Variants in FUCA2 observed in about 807,000 individuals in gnomAD.
FUCA2 encodes plasma alpha-L-fucosidase.
FUCA2 carries 41 observed loss-of-function variants against 52.6 expected under a neutral mutation model. The observed-to-expected ratio is 0.78, with a 90% CI of 0.61 to 1.01. The LOEUF (loss-of-function observed/expected upper bound fraction) is 1.01, where lower values mean the gene tolerates loss of function less well. Among genes scored for constraint, FUCA2 ranks in the 50% least tolerant of loss-of-function variants. The pLI is 0.00. For synonymous variants in FUCA2, 211 were observed against 217.3 expected (o/e 0.97, Z 0.26); for missense variants, 507 against 569.5 (o/e 0.89, Z 1.12).
In FUCA2 at chr6:143,502,209, G is replaced by A. The variant is rs558916362; in HGVS notation, c.964-87C>T. The A allele has an allele frequency of 7.7e-7, 1 of 1,298,272 alleles. No homozygotes were observed. The highest frequency in any genetic ancestry group is 2.5e-5 in the East Asian group (1 of 40,728). 80.4% of individuals were successfully genotyped at this position (1,298,272 alleles called of 1,614,324 possible). On this transcript the variant is annotated intron_variant, in intron 4 of 6. Transcript: ENST00000002165. This position sits in a 1 kb window ranked among gnomAD's most constrained non-coding sequence, Gnocchi z 4.1. ...ATGTTGCATTTATATATTTATACAT[G>A]TATATATAGTCACTGCCTAGAAGAA...
chr6:143,502,256 T>TC lies in FUCA2; in HGVS notation c.963+98dup. ...AGAACAAACACAGGATAGAACAATG[T>TC]CCTATATTTATAGGCCATTGAGCCA... On this transcript the variant is annotated intron_variant, in intron 4 of 6. Transcript: ENST00000002165. This position sits in a 1 kb window ranked among gnomAD's most constrained non-coding sequence, Gnocchi z 4.1. The TC allele has an allele frequency of 7.4e-7, 1 of 1,347,624 alleles. No individual in the cohort carries two copies. Among genetic ancestry groups the TC allele is most frequent in the Non-Finnish European group, 1.0e-6 (1 of 967,256 alleles). The allele number at this position is 1,347,624 out of a possible 1,614,324, so 83.5% of individuals were successfully genotyped here. A position where few individuals can be genotyped will look rare whatever the true frequency, so the allele number is the denominator to read the frequency against.
Position 143,507,245 on chromosome 6 carries a change from T to G in FUCA2, c.404A>C (p.His135Pro), listed in dbSNP as rs1287466681. Residue 135 changes from histidine (H) to proline (P), a missense_variant, in exon 2 of 7, where the codon CAT (histidine) becomes CCT (proline). By Grantham distance (77) the His-to-Pro change is moderately conservative. Transcript: ENST00000002165. The surrounding 1 kb of genome is among the most constrained non-coding windows in gnomAD (Gnocchi z 4.5). The part of the protein sequence containing the change: ...GAKYIVLTSK[H>P]HEGFTLWGSE... ...AGGCTGGATTGACTTACCTTCATGATGTTTGGAAGTTAAGACAATGTATTT... is the reference window on the plus strand; with the variant it reads ...AGGCTGGATTGACTTACCTTCATGAGGTTTGGAAGTTAAGACAATGTATTT... 1 of 1,586,580 alleles carries G rather than the reference T, an allele frequency of 6.3e-7. No homozygotes were observed. Among genetic ancestry groups the G allele is most frequent in the South Asian group, 1.2e-5 (1 of 85,378 alleles).
rs763952517 is a variant in FUCA2 at position 143,507,038 on chromosome 6, C to A, written c.412+199G>T. 1.6e-5 allele frequency: 8 copies of A among 508,414 alleles called. No homozygotes were observed. The highest frequency in any genetic ancestry group is 2.7e-5 in the Non-Finnish European group (8 of 294,888). 31.5% of individuals were successfully genotyped at this position (508,414 alleles called of 1,614,324 possible). A position where few individuals can be genotyped will look rare whatever the true frequency, so the allele number is the denominator to read the frequency against. On this transcript the variant is annotated intron_variant, in intron 2 of 6. Transcript: ENST00000002165. The surrounding 1 kb of genome is among the most constrained non-coding windows in gnomAD (Gnocchi z 4.5). ...TGACCATCTTTCCTCTGTTACGTGG[C>A]GGGTATGATCCTTTCTGTATTCCTA...
In FUCA2 at chr6:143,511,526, T is replaced by A. The variant is rs1447127737; in HGVS notation, c.109A>T (p.Thr37Ser). 2 of 1,589,666 alleles carry A rather than the reference T, an allele frequency of 1.3e-6. No homozygotes were observed. Among genetic ancestry groups the A allele is most frequent in the South Asian group, 2.3e-5 (2 of 87,874 alleles). Residue 37 changes from threonine to serine, a missense_variant, in exon 1 of 7, where the codon ACC (threonine) becomes TCC (serine). By Grantham distance (58) the Thr-to-Ser change is moderately conservative. Transcript: ENST00000002165. The surrounding 1 kb of genome is among the most constrained non-coding windows in gnomAD (Gnocchi z 6.3). ...TGGCGGGCGTCCAGGGACTCCCAGG[T>A]GGGGTCGAAGCGCGTGGCGCTGTGG... ...PAHSATRFDP[T>S]WESLDARQLP...
At chr6:143,498,623 G>A (rs953413736) in intron 5 of FUCA2, among the ~76,000 whole-genome samples, 1 of 152,172 alleles carries the variant, frequency 6.6e-6, no homozygotes, top group African/African-American at 2.4e-5. Flanking sequence ...GGAAGTGGGG[G>A]AGGGTGATGG....
rs566105545 is a variant in FUCA2 at position 143,508,478 on chromosome 6, G to A, written c.225-1054C>T. Among the ~76,000 whole-genome samples, 15 of 152,344 alleles carry A rather than the reference G, an allele frequency of 9.8e-5. 1 individual carries two copies. The South Asian group carries it at 2.9e-3, about 29-fold the overall frequency. The stretch of plus-strand genomic sequence containing the variant: ...ACTCTGCTAAGAAGAAATAATTGAA[G>A]GGCATACTATGCGGCAGGCATGCTG... On this transcript the variant is annotated intron_variant, in intron 1 of 6. Transcript: ENST00000002165.
Position 143,500,872 on chromosome 6 carries a change from C to T in FUCA2, c.1154+1060G>A, listed in dbSNP as rs1281889237. 6.6e-6 allele frequency among the ~76,000 whole-genome samples: 1 copy of T among 152,066 alleles called. No homozygotes were observed. Among genetic ancestry groups the T allele is most frequent in the African/African-American group, 2.4e-5 (1 of 41,400 alleles). ...ACTGCAAGAAGGTGGGCATGATGAACCCTGGGGGAAGAAGGCTCCTATGGT... is the reference window on the plus strand; with the variant it reads ...ACTGCAAGAAGGTGGGCATGATGAATCCTGGGGGAAGAAGGCTCCTATGGT... On this transcript the variant is annotated intron_variant, in intron 5 of 6. Transcript: ENST00000002165. The surrounding 1 kb of genome is among the most constrained non-coding windows in gnomAD (Gnocchi z 6.9).
At position 143,502,175 on chromosome 6, in the gene FUCA2, T is replaced by C; in HGVS notation, c.964-53A>G. 1 of 1,427,914 alleles carries C rather than the reference T, an allele frequency of 7.0e-7. No individual in the cohort carries two copies. The highest frequency in any genetic ancestry group is 1.3e-5 in the South Asian group (1 of 74,952). 88.5% of individuals were successfully genotyped at this position (1,427,914 alleles called of 1,614,324 possible). On this transcript the variant is annotated intron_variant, in intron 4 of 6. Transcript: ENST00000002165. This position sits in a 1 kb window ranked among gnomAD's most constrained non-coding sequence, Gnocchi z 4.1. ...ATAAATAAAATAATTCCATCTTTAATGTGCTAATATGTTGCATTTATATAT... is the reference window on the plus strand; with the variant it reads ...ATAAATAAAATAATTCCATCTTTAACGTGCTAATATGTTGCATTTATATAT...
rs1022453240 is a variant in FUCA2, at chr6:143,509,438, A to G, written c.224+1973T>C. ...TCTAGGTCAAAATAACCATGGGTTT[A>G]TCTGTAGAAAATGAAGTTATTCATA... On this transcript the variant is annotated intron_variant, in intron 1 of 6. Coordinates refer to ENST00000002165, the MANE Select transcript of FUCA2 (RefSeq NM_032020.5). The surrounding 1 kb of genome is among the most constrained non-coding windows in gnomAD (Gnocchi z 5.4). Among the ~76,000 whole-genome samples the G allele has an allele frequency of 6.6e-6, 1 of 152,238 alleles. No individual in the cohort carries two copies. The highest frequency in any genetic ancestry group is 1.5e-5 in the Non-Finnish European group (1 of 68,032).
intron 6 of FUCA2, chr6:143,496,182 T>C (rs1780457651): frequency 4.5e-6 from 1 of 222,104 alleles, no homozygotes; most frequent in Non-Finnish European, 9.0e-6. Flanking sequence ...TCTGCCCAAG[T>C]ATCTACTCAG....
chr6:143,498,070 T>C (rs546728058), intron 5 of FUCA2, among the ~76,000 whole-genome samples: 1 of 152,068 alleles, frequency 6.6e-6, no homozygotes, highest in East Asian at 1.9e-4. Context: ...CTCTTTAGAT[T>C]AGAACATCAG....
Position 143,504,155 on chromosome 6 carries a change from C to T in FUCA2, c.510G>A (p.Arg170=). ...GTCCAAAACGCAGGTCAGTTCTGTT[C>T]CTAATGGCTACCTCAAGTTCCTTGA... ...DIVKELEVAI[R]NRTDLRFGLY... The change falls in exon 3 of 7, where the codon AGG becomes AGA. Residue 170 remains arginine (R), a synonymous_variant. Transcript: ENST00000002165. The surrounding 1 kb of genome is among the most constrained non-coding windows in gnomAD (Gnocchi z 4.4). The T allele has an allele frequency of 6.2e-7, 1 of 1,614,140 alleles. No individual in the cohort carries two copies. The highest frequency in any genetic ancestry group is 8.5e-7 in the Non-Finnish European group (1 of 1,180,026).
rs1780570684 is a variant in FUCA2, at chr6:143,504,273, C to A, written c.413-21G>T. The A allele has an allele frequency of 1.3e-6, 2 of 1,573,322 alleles. No homozygotes were observed. The highest frequency in any genetic ancestry group is 2.2e-5 in the East Asian group (1 of 44,512). ...AAAGCCTAGAAAATTATAGTGAAAA[C>A]CCTTGTAAGCATGTCAACTTTATTT... On this transcript the variant is annotated intron_variant, in intron 2 of 6. Transcript: ENST00000002165. The surrounding 1 kb of genome is among the most constrained non-coding windows in gnomAD (Gnocchi z 4.4).
chr6:143,505,718 G>A (rs1780596772), intron 2 of FUCA2: 1 of 152,132 alleles, frequency 6.6e-6, no homozygotes, highest in South Asian at 2.1e-4. Context: ...CATACTCAAA[G>A]TTACTCAACT....
rs1015599192 is a variant in FUCA2 at position 143,511,667 on chromosome 6, G to T, written c.-33C>A. ...CGCAGGCCGGCTGTCCTCTCTGCAG[G>T]CTCCCGCGGCCTCGGGAGCGCTGTT... On this transcript the variant is annotated 5_prime_UTR_variant, in exon 1 of 7. Transcript: ENST00000002165. The surrounding 1 kb of genome is among the most constrained non-coding windows in gnomAD (Gnocchi z 6.3). 2.5e-5 allele frequency: 36 copies of T among 1,436,726 alleles called. No individual in the cohort carries two copies. The highest frequency in any genetic ancestry group is 2.9e-5 in the Non-Finnish European group (32 of 1,095,892). 89.0% of individuals were successfully genotyped at this position (1,436,726 alleles called of 1,614,324 possible).
rs1395541901 is a variant in FUCA2, at chr6:143,495,640, C to A, written c.*67G>T. The A allele has an allele frequency of 2.0e-6, 3 of 1,472,548 alleles. No individual in the cohort carries two copies. The highest frequency in any genetic ancestry group is 1.3e-5 in the South Asian group (1 of 74,828). 91.2% of individuals were successfully genotyped at this position (1,472,548 alleles called of 1,614,324 possible). A position where few individuals can be genotyped will look rare whatever the true frequency, so the allele number is the denominator to read the frequency against. On this transcript the variant is annotated 3_prime_UTR_variant, in exon 7 of 7. Coordinates refer to ENST00000002165, the MANE Select transcript of FUCA2 (RefSeq NM_032020.5). This position sits in a 1 kb window ranked among gnomAD's most constrained non-coding sequence, Gnocchi z 5.2. ...TTACATTTGCTTTCTCCATGTGCTA[C>A]AATTATAGACACCTGATAGTTCCTA...
In FUCA2 at chr6:143,497,351, T is replaced by G; in HGVS notation, c.1263+38A>C. 7.9e-7 allele frequency: 1 copy of G among 1,261,956 alleles called. No homozygotes were observed. The highest frequency in any genetic ancestry group is 1.2e-5 in the South Asian group (1 of 83,746). 78.2% of individuals were successfully genotyped at this position (1,261,956 alleles called of 1,614,324 possible). A position where few individuals can be genotyped will look rare whatever the true frequency, so the allele number is the denominator to read the frequency against. On this transcript the variant is annotated intron_variant, in intron 6 of 6. Transcript: ENST00000002165. The surrounding 1 kb of genome is among the most constrained non-coding windows in gnomAD (Gnocchi z 5.3). ...TAATGTTTGCATCAAGATGTTCTAATCAGCAATTTAAAGGAATAAGGTAAA... is the reference window on the plus strand; with the variant it reads ...TAATGTTTGCATCAAGATGTTCTAAGCAGCAATTTAAAGGAATAAGGTAAA...
Position 143,501,852 on chromosome 6 carries a change from A to T in FUCA2, c.1154+80T>A. 7.8e-7 allele frequency: 1 copy of T among 1,287,420 alleles called. No homozygotes were observed. The highest frequency in any genetic ancestry group is 1.5e-5 in the South Asian group (1 of 65,892). The allele number at this position is 1,287,420 out of a possible 1,614,324, so 79.7% of individuals were successfully genotyped here. On this transcript the variant is annotated intron_variant, in intron 5 of 6. Transcript: ENST00000002165. This position sits in a 1 kb window ranked among gnomAD's most constrained non-coding sequence, Gnocchi z 6.1. ...AGGAATTCATCCAATTTCTCTTTTT[A>T]TCCTACTCTTCTTTATATGTCTGAT...
Position 143,502,248 on chromosome 6 carries a change from G to A in FUCA2, c.963+107C>T. On this transcript the variant is annotated intron_variant, in intron 4 of 6. Transcript: ENST00000002165. This position sits in a 1 kb window ranked among gnomAD's most constrained non-coding sequence, Gnocchi z 4.1. ...TGCCTAGAAGAACAAACACAGGATA[G>A]AACAATGTCCTATATTTATAGGCCA... 7.4e-7 allele frequency: 1 copy of A among 1,354,370 alleles called. No homozygotes were observed. The highest frequency in any genetic ancestry group is 1.0e-6 in the Non-Finnish European group (1 of 976,496). 83.9% of individuals were successfully genotyped at this position (1,354,370 alleles called of 1,614,324 possible).
Sources: allele counts gnomAD v4.1 joint callset (sites outside exome capture counted in the v4.1 genomes callset), GRCh38; gene constraint gnomAD v4.1.1; non-coding constraint Gnocchi (gnomAD v3.1); transcripts MANE v1.5; gene names NCBI Gene and HGNC (gene_info 2026-07-23, HGNC 2026-07-21).